GABRR2: variants seen among roughly 807,000 people sequenced by gnomAD.
The protein encoded by GABRR2 is gamma-aminobutyric acid receptor subunit rho-2.
GABRR2 carries 36 observed loss-of-function variants against 47.0 expected under a neutral mutation model. The observed-to-expected ratio is 0.77, with a 90% CI of 0.59 to 1.01. The LOEUF (loss-of-function observed/expected upper bound fraction) is 1.01, where lower values mean the gene tolerates loss of function less well. GABRR2 is among the 50% of genes least tolerant of loss of function. GABRR2 has a pLI of 0.00. For missense variants in GABRR2, 587 were observed against 594.6 expected (o/e 0.99, Z 0.13); for synonymous variants, 204 against 227.5 (o/e 0.90, Z 0.93).
chr6:89,284,574 G>A (rs775261343), intron 2 of GABRR2, among the ~76,000 whole-genome samples: 2 of 152,162 alleles, frequency 1.3e-5, no homozygotes, highest in African/African-American at 2.4e-5. Flanking sequence ...AACTTAGCCC[G>A]CTGTTGGCTG....
At chr6:89,276,612 AT>A (rs1263471996) in intron 2 of GABRR2, among the ~76,000 whole-genome samples, 4 of 152,208 alleles carry the variant, frequency 2.6e-5, no homozygotes, top group African/African-American at 7.2e-5. Context: ...CAAGAATGCC[AT>A]TGATGCCACT....
intron 1 of GABRR2, among the ~76,000 whole-genome samples, chr6:89,311,685 C>T: frequency 6.6e-6 from 1 of 152,134 alleles, no homozygotes; most frequent in Admixed American, 6.5e-5. Context: ...TAACAGCAAC[C>T]AGGATAATCA....
intron 8 of GABRR2, among the ~76,000 whole-genome samples, chr6:89,261,351 A>G (rs1773741458): frequency 6.6e-6 from 1 of 152,214 alleles, no homozygotes. Context: ...GCAACCTAGT[A>G]TAATATATTT....
chr6:89,314,842 G>T (rs1439915509), intron 1 of GABRR2, among the ~76,000 whole-genome samples: 2 of 152,206 alleles, frequency 1.3e-5, no homozygotes, highest in African/African-American at 2.4e-5. Flanking sequence ...TCCGAAGGAA[G>T]GCTCATCCCA....
chr6:89,265,518 G>A, intron 7 of GABRR2, 95 bp downstream of exon 7: 1 of 1,379,092 alleles, frequency 7.3e-7, no homozygotes, highest in Admixed American at 2.5e-5. Flanking sequence ...CAGCTCATCA[G>A]TTAAGAAGTC....
chr6:89,265,712 A>C lies in GABRR2; in HGVS notation c.790T>G (p.Phe264Val). The C allele has an allele frequency of 6.2e-7, 1 of 1,614,160 alleles. No homozygotes were observed. Among genetic ancestry groups the C allele is most frequent in the Non-Finnish European group, 8.5e-7 (1 of 1,180,020 alleles). The change falls in exon 7 of 9, where the codon TTC becomes GTC. Residue 264 changes from phenylalanine (F) to valine (V), a missense_variant. Physicochemically the swap from Phe to Val is conservative, Grantham distance 50. Coordinates refer to ENST00000402938, the MANE Select transcript of GABRR2 (RefSeq NM_002043.5). ...NFTLRRHIFF[F>V]LLQTYFPATL... is the part of the protein sequence containing the mutation. ...GCAGGGAAATATGTTTGGAGCAAGA[A>C]GAAGAAGATGTGGCGACGCAACGTG...
chr6:89,287,682 G>A (rs1774355615), intron 2 of GABRR2, among the ~76,000 whole-genome samples: 1 of 152,250 alleles, frequency 6.6e-6, no homozygotes, highest in Non-Finnish European at 1.5e-5. Flanking sequence ...GTGAGGACTT[G>A]AGGATTAGAA....
Position 89,267,791 on chromosome 6 carries a change from C to G in GABRR2, c.624G>C (p.Leu208=). ...GGGATTCATCCCCATTCTTCCAGTA[C>G]AGCATTAGATCTTCATCTGTATAGG... is the stretch of plus-strand genomic sequence containing the variant. ...SYAYTDEDLM[L]YWKNGDESLK... is the part of the protein sequence containing the mutation. Residue 208 remains leucine, a synonymous_variant, in exon 6 of 9, where the codon CTG becomes CTC. Transcript: ENST00000402938. 1.2e-6 allele frequency: 2 copies of G among 1,613,746 alleles called. No homozygotes were observed. The highest frequency in any genetic ancestry group is 1.1e-5 in the South Asian group (1 of 91,042).
chr6:89,255,776 A>G lies in GABRR2; in HGVS notation c.*1894T>C, dbSNP rs1248160380. ...CTCAAGCTGGTCTCTTGGCTGGTAG[A>G]GCTTCCTGGTCTTTAGGCTGCCCAG... On this transcript the variant is annotated 3_prime_UTR_variant, in exon 9 of 9. Transcript: ENST00000402938. Among the ~76,000 whole-genome samples the G allele has an allele frequency of 6.6e-6, 1 of 152,164 alleles. No individual in the cohort carries two copies. Among genetic ancestry groups the G allele is most frequent in the East Asian group, 1.9e-4 (1 of 5,198 alleles).
At chr6:89,291,433 CCTT>C (rs1330566207) in intron 2 of GABRR2, among the ~76,000 whole-genome samples, 1 of 152,128 alleles carries the variant, frequency 6.6e-6, no homozygotes, top group Non-Finnish European at 1.5e-5. Context: ...ATTGCTCCAG[CCTT>C]CTTTTGGTAT....
chr6:89,280,408 G>C (rs1008687427), intron 2 of GABRR2, among the ~76,000 whole-genome samples: 1 of 151,840 alleles, frequency 6.6e-6, no homozygotes, highest in Non-Finnish European at 1.5e-5. Flanking sequence ...TCTGAAGGGG[G>C]CTGAATACAC....
At chr6:89,261,872 C>T (rs1038401851) in intron 8 of GABRR2, among the ~76,000 whole-genome samples, 2 of 152,082 alleles carry the variant, frequency 1.3e-5, no homozygotes, top group Non-Finnish European at 2.9e-5. Context: ...AATCCCATCT[C>T]TTTTAAAAAT....
At chr6:89,264,373 C>T in intron 8 of GABRR2, 39 bp downstream of exon 8, 1 of 1,581,582 alleles carries the variant, frequency 6.3e-7, no homozygotes, top group Non-Finnish European at 8.6e-7. Flanking sequence ...TTTCACCCAG[C>T]AGCATGGACT....
Position 89,315,154 on chromosome 6 carries a change from A to G in GABRR2, c.12T>C (p.Phe4=), listed in dbSNP as rs996085344. The G allele has an allele frequency of 6.2e-7, 1 of 1,613,830 alleles. No individual in the cohort carries two copies. The highest frequency in any genetic ancestry group is 1.3e-5 in the African/African-American group (1 of 74,924). ...AAAACAAGAACAAAATGAGTCTTGT[A>G]AAATAAGGCATTTTGTGGACATCTG... The part of the protein sequence containing the change: MPY[F]TRLILFLFCL... Residue 4 remains phenylalanine, a synonymous_variant, in exon 1 of 9, where the codon TTT becomes TTC. Transcript: ENST00000402938.
chr6:89,300,825 C>A (rs1330324221), intron 1 of GABRR2, among the ~76,000 whole-genome samples: 2 of 150,198 alleles, frequency 1.3e-5, no homozygotes, highest in Non-Finnish European at 3.0e-5. Context: ...GAACTGGTAC[C>A]ATTCCTACTA....
At chr6:89,267,017 T>TTTTTAG (rs1773913319) in intron 6 of GABRR2, among the ~76,000 whole-genome samples, 1 of 147,596 alleles carries the variant, frequency 6.8e-6, no homozygotes, top group Non-Finnish European at 1.5e-5. Flanking sequence ...TTTTTTTTTT[T>TTTTTAG]GAGACGGAGT....
At chr6:89,288,848 G>A (rs10455166) in intron 2 of GABRR2, among the ~76,000 whole-genome samples, 8,616 of 152,128 alleles carry the variant, frequency 0.057, 334 homozygotes, top group Non-Finnish European at 0.081. Context: ...AGGTCTCACT[G>A]TGTTGCCCAG....
At position 89,260,286 on chromosome 6, in the gene GABRR2, T is replaced by C. The variant is rs1162138572; in HGVS notation, c.1087-2305A>G. Among the ~76,000 whole-genome samples the C allele has an allele frequency of 4.6e-5, 7 of 152,354 alleles. No homozygotes were observed. In the East Asian group the frequency reaches 1.3e-3, roughly 29 times the overall value. On this transcript the variant is annotated intron_variant, in intron 8 of 8. Transcript: ENST00000402938. ...GATATTATCATTGGGGGGTTATTTA[T>C]TTATTTAAGGCACAGTTCTTCTTCT...
intron 1 of GABRR2, among the ~76,000 whole-genome samples, chr6:89,300,861 C>T (rs970277810): frequency 5.9e-5 from 9 of 151,364 alleles, no homozygotes; most frequent in Admixed American, 2.6e-4. Context: ...ATTGAGGAGG[C>T]GGGACTCCTC....
Sources: allele counts gnomAD v4.1 joint callset (sites outside exome capture counted in the v4.1 genomes callset), GRCh38; gene constraint gnomAD v4.1.1; transcripts MANE v1.5; gene names NCBI Gene and HGNC (gene_info 2026-07-23, HGNC 2026-07-21).